The following NCOA3 variants were observed in gnomAD, a reference collection of about 807,000 sequenced individuals.
NCOA3 encodes nuclear receptor coactivator 3, also known as CBP-interacting protein.
In NCOA3, 51 loss-of-function variants were observed where a neutral mutation model predicts 158.8. The observed-to-expected ratio is 0.32, with a 90% confidence interval of 0.26 to 0.41. The LOEUF is 0.41. NCOA3 is among the 10% of genes least tolerant of loss of function. NCOA3 has a pLI of 1.00. For synonymous variants in NCOA3, 537 were observed against 592.4 expected (o/e 0.91, Z 1.36); for missense variants, 1,510 against 1,746.6 (o/e 0.86, Z 2.41).
chr20:47,523,700 G>A (rs758716851), intron 1 of NCOA3, among the ~76,000 whole-genome samples: 13 of 152,122 alleles, frequency 8.5e-5, no homozygotes, highest in Non-Finnish European at 1.3e-4. Flanking sequence ...AGCATGTTTC[G>A]TTTAAAACTG....
At chr20:47,579,730 C>G (rs2085422817) in intron 1 of NCOA3, among the ~76,000 whole-genome samples, 1 of 152,164 alleles carries the variant, frequency 6.6e-6, no homozygotes, top group Non-Finnish European at 1.5e-5. Flanking sequence ...TGTTACTGAA[C>G]TGAACTGGGT....
chr20:47,591,387 CTT>C (rs1344247037), intron 2 of NCOA3, among the ~76,000 whole-genome samples: 4 of 152,156 alleles, frequency 2.6e-5, no homozygotes, highest in Non-Finnish European at 4.4e-5. Flanking sequence ...TTTGTACAGT[CTT>C]TTGCATGAGA....
intron 17 of NCOA3, among the ~76,000 whole-genome samples, chr20:47,645,405 A>G (rs1254099697): frequency 6.6e-6 from 1 of 152,052 alleles, no homozygotes; most frequent in Non-Finnish European, 1.5e-5. Context: ...TCTGTGGAAT[A>G]CATTTGCTTG....
chr20:47,627,771 T>C, intron 7 of NCOA3, 22 bp downstream of exon 7: 1 of 1,605,104 alleles, frequency 6.2e-7, no homozygotes. Flanking sequence ...TATATGTTTG[T>C]GATGTTCATG....
At chr20:47,526,792 G>A (rs910417786) in intron 1 of NCOA3, among the ~76,000 whole-genome samples, 4 of 151,968 alleles carry the variant, frequency 2.6e-5, no homozygotes, top group Admixed American at 2.0e-4. Context: ...GAGGGGAGAG[G>A]GGAGGGGAGA....
At chr20:47,522,046 T>C (rs1479817918) in intron 1 of NCOA3, among the ~76,000 whole-genome samples, 2 of 151,584 alleles carry the variant, frequency 1.3e-5, no homozygotes, top group South Asian at 2.1e-4. Context: ...TTCATTTATT[T>C]AGGTCTTATT....
At position 47,627,815 on chromosome 20, in the gene NCOA3, CTTGTG is replaced by C. The variant is rs1602508135; in HGVS notation, c.721+71_721+75del. 2.5e-6 allele frequency: 4 copies of C among 1,583,270 alleles called. No individual in the cohort carries two copies. In the East Asian group the frequency reaches 9.0e-5, roughly 35 times the overall value. ...AGTGGCCATACTTGGAGTTTTGAAA[CTTGTG>C]TTGTAACCCTTCTTACTGAATTCCA... On this transcript the variant is annotated intron_variant, in intron 7 of 22. Coordinates refer to ENST00000371998, the MANE Select transcript of NCOA3 (RefSeq NM_181659.3).
At chr20:47,545,494 G>A (rs1441645432) in intron 1 of NCOA3, among the ~76,000 whole-genome samples, 1 of 151,928 alleles carries the variant, frequency 6.6e-6, no homozygotes, top group Admixed American at 6.6e-5. Flanking sequence ...TCTTATTGGT[G>A]TTGGTTGGTC....
chr20:47,511,217 A>G lies in NCOA3; in HGVS notation c.-99+9198A>G, dbSNP rs118015688. On this transcript the variant is annotated intron_variant, in intron 1 of 22. Transcript: ENST00000371998. ...CAGGCCATCAGGGTACAGCATGTTG[A>G]AGAATAAGATTTAAACATTTTCTTT... Among the ~76,000 whole-genome samples, 25 of 151,462 alleles carry G rather than the reference A, an allele frequency of 1.7e-4. No homozygotes were observed. The East Asian group carries it at 4.7e-3, about 28-fold the overall frequency.
chr20:47,543,487 A>C (rs888294346), intron 1 of NCOA3, among the ~76,000 whole-genome samples: 2 of 150,716 alleles, frequency 1.3e-5, no homozygotes, highest in Non-Finnish European at 3.0e-5. Flanking sequence ...ATAAAGAAAA[A>C]CTTTTTCTTT....
intron 1 of NCOA3, among the ~76,000 whole-genome samples, chr20:47,552,771 C>G (rs1440553361): frequency 6.6e-6 from 1 of 152,036 alleles, no homozygotes; most frequent in Non-Finnish European, 1.5e-5. Flanking sequence ...TTGCATTAGC[C>G]TATATTTCAT....
chr20:47,561,002 C>T, intron 1 of NCOA3, among the ~76,000 whole-genome samples: 1 of 121,904 alleles, frequency 8.2e-6, no homozygotes, highest in African/African-American at 3.1e-5. Context: ...GATAGGGTCT[C>T]TGTCACCCGG....
chr20:47,600,665 C>G (rs1300634680), intron 2 of NCOA3, among the ~76,000 whole-genome samples: 1 of 151,676 alleles, frequency 6.6e-6, no homozygotes, highest in African/African-American at 2.4e-5. Flanking sequence ...CAGGCGTACA[C>G]TAGCACACCC....
At chr20:47,597,138 C>T (rs183525269) in intron 2 of NCOA3, among the ~76,000 whole-genome samples, 1 of 152,244 alleles carries the variant, frequency 6.6e-6, no homozygotes, top group African/African-American at 2.4e-5. Context: ...TAAAACATTT[C>T]TACCATTCCC....
chr20:47,521,241 G>C (rs1202834164), intron 1 of NCOA3, among the ~76,000 whole-genome samples: 1 of 152,208 alleles, frequency 6.6e-6, no homozygotes, highest in Non-Finnish European at 1.5e-5. Context: ...CCTCACAAGA[G>C]AGAACCAGAG....
chr20:47,639,210 A>G lies in NCOA3; in HGVS notation c.2707+8A>G, dbSNP rs773977299. ...ATTATGGCTCAAGTATGGGTACGTT[A>G]TTTCTAATTAGTATGTATGATTATT... On this transcript the variant is annotated splice_region_variant and intron_variant, in intron 14 of 22. Transcript: ENST00000371998. 1.9e-6 allele frequency: 3 copies of G among 1,589,608 alleles called. No individual in the cohort carries two copies. The highest frequency in any genetic ancestry group is 2.6e-6 in the Non-Finnish European group (3 of 1,159,372).
chr20:47,506,999 G>T (rs754289964), intron 1 of NCOA3, among the ~76,000 whole-genome samples: 6 of 152,106 alleles, frequency 3.9e-5, no homozygotes, highest in Non-Finnish European at 8.8e-5. Flanking sequence ...TCTTGGCCTG[G>T]GTATCACACA....
At chr20:47,652,284 AC>A in intron 20 of NCOA3, 121 bp from the exon 21 acceptor site, 1 of 736,082 alleles carries the variant, frequency 1.4e-6, no homozygotes, top group Non-Finnish European at 2.2e-6. Flanking sequence ...TCTGTATCTT[AC>A]ACTTATCACT....
chr20:47,527,082 G>A (rs1412302807), intron 1 of NCOA3, among the ~76,000 whole-genome samples: 3 of 152,146 alleles, frequency 2.0e-5, no homozygotes, highest in Non-Finnish European at 4.4e-5. Flanking sequence ...ATTAATTTTA[G>A]TAGCTTTTAT....
Sources: allele counts gnomAD v4.1 joint callset (sites outside exome capture counted in the v4.1 genomes callset), GRCh38; gene constraint gnomAD v4.1.1; transcripts MANE v1.5; gene names NCBI Gene and HGNC (gene_info 2026-07-23, HGNC 2026-07-21).